Variants in COL17A1 observed in about 807,000 individuals in gnomAD.
The protein encoded by COL17A1 is collagen type XVII alpha 1 chain, also known as collagen alpha-1(XVII) chain.
COL17A1 carries 181 observed loss-of-function variants against 218.4 expected under a neutral mutation model. The ratio of observed to expected loss-of-function variants is 0.83; its 90% CI spans 0.73 to 0.94. The LOEUF (loss-of-function observed/expected upper bound fraction) is 0.94. Among genes scored for constraint, COL17A1 ranks in the 40% least tolerant of loss-of-function variants. COL17A1 has a pLI of 0.00. For synonymous variants in COL17A1, 721 were observed against 731.0 expected (o/e 0.99, Z 0.22); for missense variants, 1,924 against 1,945.9 (o/e 0.99, Z 0.21).
rs560616613 is a variant in COL17A1 at position 104,057,105 on chromosome 10, G to A, written c.1335C>T (p.Gly445=). The stretch of plus-strand genomic sequence containing the variant: ...CTGGCGCTGGTCCCCAAGGGCCGCC[G>A]CCAGCGCCACCAACACCGCCACCTC... ...SGGGGGVGGA[G]GGPWGPAPAW... is the part of the protein sequence containing the mutation. Residue 445 remains glycine (G), a synonymous_variant, in exon 17 of 56, where the codon GGC becomes GGT. Transcript: ENST00000648076. 9.3e-6 allele frequency: 15 copies of A among 1,612,848 alleles called. No homozygotes were observed. The highest frequency in any genetic ancestry group is 8.0e-5 in the African/African-American group (6 of 75,012).
At chr10:104,032,803 T>C (rs1844705527) in intron 54 of COL17A1, 49 bp from the exon 55 acceptor site, 1 of 1,610,764 alleles carries the variant, frequency 6.2e-7, no homozygotes, top group Non-Finnish European at 8.5e-7. Context: ...GTCTGGGGAC[T>C]GAGGGCACAG....
At position 104,035,353 on chromosome 10, in the gene COL17A1, C is replaced by T. The variant is rs778878637; in HGVS notation, c.3529G>A (p.Val1177Ile). 82 of 1,613,726 alleles carry T rather than the reference C, an allele frequency of 5.1e-5. No individual in the cohort carries two copies. Among genetic ancestry groups the T allele is most frequent in the Non-Finnish European group, 5.8e-5 (68 of 1,179,904 alleles). ...LLRGSEFRGIVGPPGPPGPPG... is the reference protein window; with the variant it reads ...LLRGSEFRGIIGPPGPPGPPG... Reference sequence around the variant, plus strand: ...GGACCCGGGGGACCTGGGGGTCCAACGATGCCTCTGAATTCAGACCCTGAG... The same window carrying T: ...GGACCCGGGGGACCTGGGGGTCCAATGATGCCTCTGAATTCAGACCCTGAG... The change falls in exon 50 of 56, where the codon GTT becomes ATT. Residue 1177 changes from valine (V) to isoleucine (I), a missense_variant. By Grantham distance (29) the Val-to-Ile change is conservative. Coordinates refer to ENST00000648076, the MANE Select transcript of COL17A1 (RefSeq NM_000494.4).
In COL17A1 at chr10:104,077,413, G is replaced by C. The variant is rs781436163; in HGVS notation, c.202+9C>G. ...TCTTCCCTGACCTCTTGCACTAGTG[G>C]GCACTCACTTGAGTTTATGTAGCCG... On this transcript the variant is annotated intron_variant, in intron 4 of 55. Coordinates refer to ENST00000648076, the MANE Select transcript of COL17A1 (RefSeq NM_000494.4). The C allele has an allele frequency of 6.2e-7, 1 of 1,606,114 alleles. No individual in the cohort carries two copies. The highest frequency in any genetic ancestry group is 1.7e-5 in the Admixed American group (1 of 59,620).
In COL17A1 at chr10:104,050,835, C is replaced by T. The variant is rs747474339; in HGVS notation, c.2092+13G>A. 6 of 1,614,164 alleles carry T rather than the reference C, an allele frequency of 3.7e-6. No homozygotes were observed. The highest frequency in any genetic ancestry group is 5.1e-6 in the Non-Finnish European group (6 of 1,180,036). The stretch of plus-strand genomic sequence containing the variant: ...AGACCCTCACTGTCCCCCCAGGCCT[C>T]CCTCCAGCTTACCTTTGACACCAGG... On this transcript the variant is annotated intron_variant, in intron 26 of 55. Transcript: ENST00000648076.
Position 104,034,677 on chromosome 10 carries a change from G to T in COL17A1, c.3710C>A (p.Thr1237Asn), listed in dbSNP as rs763963800. The T allele has an allele frequency of 1.1e-5, 18 of 1,610,610 alleles. No individual in the cohort carries two copies. The East Asian group carries it at 3.8e-4, about 34-fold the overall frequency. The change falls in exon 51 of 56, where the codon ACC (threonine) becomes AAC (asparagine). Residue 1237 changes from threonine to asparagine, a missense_variant. Physicochemically the swap from Thr to Asn is moderately conservative, Grantham distance 65 (BLOSUM62 0). Coordinates refer to ENST00000648076, the MANE Select transcript of COL17A1 (RefSeq NM_000494.4). ...GCTGTCGCTGTTTTCAGCTGCATAG[G>T]TTGCCAGGGCTCCTGAGACACCCGG... ...GPPGVSGALA[T>N]YAAENSDSFR...
rs2086429177 is a variant in COL17A1 at position 104,047,967 on chromosome 10, G to A, written c.2263+102C>T. The stretch of plus-strand genomic sequence containing the variant: ...AACTGGACACTGCACACTTCCACAT[G>A]CTATATGCTCCTCTGCACTATGGTT... On this transcript the variant is annotated intron_variant, in intron 30 of 55. Coordinates refer to ENST00000648076, the MANE Select transcript of COL17A1 (RefSeq NM_000494.4). 2.8e-6 allele frequency: 4 copies of A among 1,453,200 alleles called. No individual in the cohort carries two copies. In the South Asian group the frequency reaches 3.4e-5, roughly 12 times the overall value. 90.0% of individuals were successfully genotyped at this position (1,453,200 alleles called of 1,614,324 possible). A position where few individuals can be genotyped will look rare whatever the true frequency, so the allele number is the denominator to read the frequency against.
At chr10:104,077,640 G>A in intron 3 of COL17A1, 114 bp from the exon 4 acceptor site, 1 of 824,848 alleles carries the variant, frequency 1.2e-6, no homozygotes, top group Non-Finnish European at 2.0e-6. Flanking sequence ...TTCTTAGTTT[G>A]GGGTTCCTTT....
At chr10:104,075,838 G>A (rs1039625715) in intron 5 of COL17A1, among the ~76,000 whole-genome samples, 1 of 152,196 alleles carries the variant, frequency 6.6e-6, no homozygotes, top group African/African-American at 2.4e-5. Flanking sequence ...CCATCTTTGG[G>A]TATCAAACTC....
rs142755634 is a variant in COL17A1, at chr10:104,032,726, A to G, written c.4386T>C (p.Gly1462=). 2.5e-6 allele frequency: 4 copies of G among 1,614,070 alleles called. No individual in the cohort carries two copies. The highest frequency in any genetic ancestry group is 3.4e-6 in the Non-Finnish European group (4 of 1,180,028). The change falls in exon 55 of 56, where the codon GGT becomes GGC. Residue 1462 remains glycine, a synonymous_variant. Coordinates refer to ENST00000648076, the MANE Select transcript of COL17A1 (RefSeq NM_000494.4). ...CTCGAGGGCCAGGTGGCCCAGGATG[A>G]CCTGGTGGCCCAGCAGGGCCCCTGT... ...KGDRGPAGPP[G]HPGPPGPRGH... is the part of the protein sequence containing the mutation.
intron 11 of COL17A1, among the ~76,000 whole-genome samples, chr10:104,062,699 C>T (rs2134632178): frequency 6.6e-6 from 1 of 152,266 alleles, no homozygotes; most frequent in Middle Eastern, 3.4e-3. Context: ...GAACTGTAAG[C>T]TTAGGATATG....
intron 29 of COL17A1, among the ~76,000 whole-genome samples, chr10:104,048,439 A>C (rs760320597): frequency 9.9e-5 from 15 of 151,722 alleles, no homozygotes; most frequent in Non-Finnish European, 2.2e-4. Context: ...CATTATTGTA[A>C]CCTCTCTCCA....
intron 20 of COL17A1, among the ~76,000 whole-genome samples, chr10:104,054,553 G>A (rs1349492261): frequency 2.0e-5 from 3 of 152,122 alleles, no homozygotes; most frequent in Admixed American, 2.0e-4. Flanking sequence ...CCAAAGTGGA[G>A]GAGCTGACTT....
In COL17A1 at chr10:104,034,202, G is replaced by A. The variant is rs374031668; in HGVS notation, c.3899C>T (p.Ser1300Phe). 1 of 1,613,078 alleles carries A rather than the reference G, an allele frequency of 6.2e-7. No individual in the cohort carries two copies. The highest frequency in any genetic ancestry group is 1.3e-5 in the African/African-American group (1 of 74,922). The change falls in exon 52 of 56, where the codon TCT (serine) becomes TTT (phenylalanine). Residue 1300 changes from serine (S) to phenylalanine (F), a missense_variant. Physicochemically the swap from Ser to Phe is radical, Grantham distance 155 (BLOSUM62 -2). Transcript: ENST00000648076. ...GCTGTAGGAGCTGCCCCGCCTGACA[G>A]ATGAGCTGTGTGAGGAGGAGCTGCT... Reference protein sequence around the residue: ...RGSSSSSHSSSVRRGSSYSSS... With the variant: ...RGSSSSSHSSFVRRGSSYSSS...
Position 104,041,477 on chromosome 10 carries a change from A to T in COL17A1, c.2605+8T>A, listed in dbSNP as rs748607171. 2 of 1,608,580 alleles carry T rather than the reference A, an allele frequency of 1.2e-6. No individual in the cohort carries two copies. The highest frequency in any genetic ancestry group is 2.2e-5 in the South Asian group (2 of 90,550). On this transcript the variant is annotated splice_region_variant and intron_variant, in intron 37 of 55. Coordinates refer to ENST00000648076, the MANE Select transcript of COL17A1 (RefSeq NM_000494.4). ...TCCCCACCTTCCAAAGGTCTCCAAGATACTCACCTGGTGGCCCGCGTGGGC... is the reference window on the plus strand; with the variant it reads ...TCCCCACCTTCCAAAGGTCTCCAAGTTACTCACCTGGTGGCCCGCGTGGGC...
intron 55 of COL17A1, 79 bp from the exon 56 acceptor site, chr10:104,032,369 C>T (rs1844697349): frequency 8.5e-7 from 1 of 1,181,230 alleles, no homozygotes; most frequent in Non-Finnish European, 1.3e-6. Context: ...ATTATGGCAA[C>T]CGTGACTACT....
Position 104,040,378 on chromosome 10 carries a change from C to T in COL17A1, c.2734G>A (p.Gly912Ser), listed in dbSNP as rs745821766. 2.5e-6 allele frequency: 4 copies of T among 1,611,842 alleles called. No individual in the cohort carries two copies. The highest frequency in any genetic ancestry group is 3.4e-6 in the Non-Finnish European group (4 of 1,177,972). ...TFLSGPPGPP[G>S]PPGPKGDQGP... ...TGGTCTCCCTTGGGACCTGGGGGGC[C>T]AGGTGGGCCTGGGGGGCCGGAGAGG... is the stretch of plus-strand genomic sequence containing the variant. The change falls in exon 40 of 56, where the codon GGC (glycine) becomes AGC (serine). Residue 912 changes from glycine to serine, a missense_variant. By Grantham distance (56) the Gly-to-Ser change is moderately conservative. Coordinates refer to ENST00000648076, the MANE Select transcript of COL17A1 (RefSeq NM_000494.4).
At chr10:104,076,540 G>T in intron 4 of COL17A1, 111 bp from the exon 5 acceptor site, 1 of 1,469,214 alleles carries the variant, frequency 6.8e-7, no homozygotes. Context: ...GTCTTCGGGA[G>T]GGCACAGCTG....
intron 4 of COL17A1, among the ~76,000 whole-genome samples, chr10:104,076,775 T>C (rs1219625054): frequency 2.0e-5 from 3 of 152,228 alleles, no homozygotes; most frequent in Admixed American, 6.5e-5. Flanking sequence ...GCTGTTCTAA[T>C]GTCTTGGGGC....
At position 104,035,276 on chromosome 10, in the gene COL17A1, C is replaced by T. The variant is rs373052369; in HGVS notation, c.3606G>A (p.Ser1202=). ...ACAGTGCCCTACTATGTAAGTAAGA[C>T]GAGAGGTCCTCCACGCTGATGCTGG... ...VWSSISVEDL[S]SYLHTAGLSF... The change falls in exon 50 of 56, where the codon TCG becomes TCA. Residue 1202 remains serine (S), a synonymous_variant. Transcript: ENST00000648076. 2.5e-5 allele frequency: 41 copies of T among 1,613,656 alleles called. No homozygotes were observed. The highest frequency in any genetic ancestry group is 2.5e-4 in the African/African-American group (19 of 75,064).
Sources: allele counts gnomAD v4.1 joint callset (sites outside exome capture counted in the v4.1 genomes callset), GRCh38; gene constraint gnomAD v4.1.1; transcripts MANE v1.5; gene names NCBI Gene and HGNC (gene_info 2026-07-23, HGNC 2026-07-21).